Variants in UTP20 observed in about 807,000 individuals in gnomAD.
UTP20 encodes UTP20 small subunit processome component.
In UTP20, 164 loss-of-function variants were observed where a neutral mutation model predicts 329.5. The ratio of observed to expected loss-of-function variants is 0.50; its 90% confidence interval spans 0.44 to 0.57. The LOEUF is 0.57. Ranked by LOEUF, UTP20 falls within the 20% of genes least tolerant of loss-of-function variation. The pLI is 0.00. For synonymous variants in UTP20, 1,151 were observed against 1,159.3 expected (o/e 0.99, Z 0.14); for missense variants, 3,055 against 3,284.2 (o/e 0.93, Z 1.71).
rs1289814370 is a variant in UTP20 at position 101,333,383 on chromosome 12, A to C, written c.3500A>C (p.Glu1167Ala). ...GTAACTGATATCTTTTTGGACTGGG[A>C]ATCATATCAGTTTAGAACAGAAGAA... Reference protein sequence around the residue: ...KMVTDIFLDWESYQFRTEEID... With the variant: ...KMVTDIFLDWASYQFRTEEID... Residue 1167 changes from glutamate to alanine, a missense_variant, in exon 28 of 62, where the codon GAA (glutamate) becomes GCA (alanine). Physicochemically the swap from Glu to Ala is moderately radical, Grantham distance 107 (BLOSUM62 -1). Transcript: ENST00000261637. 1.9e-6 allele frequency: 3 copies of C among 1,613,970 alleles called. No homozygotes were observed.
chr12:101,304,419 T>C (rs1228059460), intron 15 of UTP20, among the ~76,000 whole-genome samples: 1 of 152,244 alleles, frequency 6.6e-6, no homozygotes, highest in Non-Finnish European at 1.5e-5. Context: ...AACAATTGCA[T>C]TGATTGTGTC....
At chr12:101,371,595 G>A (rs941505227) in intron 51 of UTP20, among the ~76,000 whole-genome samples, 6 of 145,452 alleles carry the variant, frequency 4.1e-5, no homozygotes, top group South Asian at 2.2e-4. Flanking sequence ...GTGCAGTGGC[G>A]CGATCTCGGC....
chr12:101,287,139 A>T (rs1342817419), intron 5 of UTP20, among the ~76,000 whole-genome samples: 1 of 152,052 alleles, frequency 6.6e-6, no homozygotes, highest in African/African-American at 2.4e-5. Context: ...TTGCCACAGG[A>T]GTGTTTAATA....
At chr12:101,311,154 A>T (rs1270458454) in intron 19 of UTP20, among the ~76,000 whole-genome samples, 2 of 152,228 alleles carry the variant, frequency 1.3e-5, no homozygotes, top group African/African-American at 4.8e-5. Context: ...TGTCATGTGT[A>T]AAGTTTATGC....
chr12:101,365,735 A>C, intron 46 of UTP20, 110 bp downstream of exon 46: 2 of 854,276 alleles, frequency 2.3e-6, no homozygotes, highest in Non-Finnish European at 3.3e-6. Context: ...TATCCACCTG[A>C]GTTCTCAGAT....
rs141236784 is a variant in UTP20, at chr12:101,312,276, A to G, written c.2552A>G (p.Asn851Ser). 4.3e-6 allele frequency: 7 copies of G among 1,613,692 alleles called. No individual in the cohort carries two copies. Among genetic ancestry groups the G allele is most frequent in the Non-Finnish European group, 5.9e-6 (7 of 1,179,946 alleles). Residue 851 changes from asparagine to serine, a missense_variant and splice_region_variant, in exon 21 of 62, where the codon AAC becomes AGC. By Grantham distance (46) the Asn-to-Ser change is conservative. Around this residue, in one of 3 missense-constraint regions of UTP20, gnomAD observed 2,445 missense variants for 2,575.5 expected, o/e 0.95. Transcript: ENST00000261637. Reference sequence around the variant, plus strand: ...TCCCCGCTTTTCTTGAGATTTATCAAGTAAGTTTCCTCTTCTAAGAATATG... The same window carrying G: ...TCCCCGCTTTTCTTGAGATTTATCAGGTAAGTTTCCTCTTCTAAGAATATG... Reference protein sequence around the residue: ...ELSPLFLRFINNEYYPADLQV... With the variant: ...ELSPLFLRFISNEYYPADLQV...
intron 13 of UTP20, 66 bp from the exon 14 acceptor site, chr12:101,299,907 G>C (rs576284209): frequency 6.2e-7 from 1 of 1,608,224 alleles, no homozygotes; most frequent in South Asian, 1.1e-5. Context: ...GCCATTCCTT[G>C]CTGTTCTCTG....
chr12:101,306,593 G>A lies in UTP20; in HGVS notation c.1933-106G>A, dbSNP rs79391430. The A allele has an allele frequency of 1.0e-3, 1,083 of 1,048,088 alleles. 12 individuals carry two copies. The African/African-American group carries it at 0.016, about 15-fold the overall frequency. 64.9% of individuals were successfully genotyped at this position (1,048,088 alleles called of 1,614,324 possible). On this transcript the variant is annotated intron_variant, in intron 16 of 61. Coordinates refer to ENST00000261637, the MANE Select transcript of UTP20 (RefSeq NM_014503.3). Reference sequence around the variant, plus strand: ...AGGCACATATTACTCTGGTCAAATGGTATTTTTTTTTTAAATTGTATAAAA... The same window carrying A: ...AGGCACATATTACTCTGGTCAAATGATATTTTTTTTTTAAATTGTATAAAA...
In UTP20 at chr12:101,383,625, T is replaced by C. The variant is rs1328636180; in HGVS notation, c.8012T>C (p.Ile2671Thr). 1 of 1,613,782 alleles carries C rather than the reference T, an allele frequency of 6.2e-7. No homozygotes were observed. The highest frequency in any genetic ancestry group is 8.5e-7 in the Non-Finnish European group (1 of 1,179,906). Residue 2671 changes from isoleucine to threonine, a missense_variant, in exon 60 of 62, where the codon ATA becomes ACA. Physicochemically the swap from Ile to Thr is moderately conservative, Grantham distance 89. Coordinates refer to ENST00000261637, the MANE Select transcript of UTP20 (RefSeq NM_014503.3). ...DKVKPYLPMI[I>T]APLFRELNST... Reference sequence around the variant, plus strand: ...GTAAAGCCGTATCTCCCAATGATCATAGCTCCTTTGTTTCGGGAACTCAAC... The same window carrying C: ...GTAAAGCCGTATCTCCCAATGATCACAGCTCCTTTGTTTCGGGAACTCAAC...
chr12:101,290,949 C>T (rs1238103193), intron 8 of UTP20, 61 bp downstream of exon 8: 2 of 1,535,656 alleles, frequency 1.3e-6, no homozygotes, highest in Non-Finnish European at 1.8e-6. Flanking sequence ...ACTGTTTCTG[C>T]TCTCAGTTTT....
intron 11 of UTP20, among the ~76,000 whole-genome samples, 175 bp from the exon 12 acceptor site, chr12:101,295,305 T>G (rs1458137263): frequency 6.6e-6 from 1 of 152,246 alleles, no homozygotes; most frequent in Non-Finnish European, 1.5e-5. Flanking sequence ...TAAGTCATCC[T>G]TCCTCAGAGT....
At position 101,295,626 on chromosome 12, in the gene UTP20, G is replaced by A; in HGVS notation, c.1398G>A (p.Lys466=). ...PPTAGSMAIE[K]YPLVFSPQMV... is the part of the protein sequence containing the mutation. The stretch of plus-strand genomic sequence containing the variant: ...CTGCTGGCTCGATGGCAATTGAAAA[G>A]TACCCTCTGGTTTTCTCACCGCAGA... Residue 466 remains lysine, a synonymous_variant, in exon 12 of 62, where the codon AAG becomes AAA. Transcript: ENST00000261637. 6.2e-7 allele frequency: 1 copy of A among 1,610,162 alleles called. No homozygotes were observed. The highest frequency in any genetic ancestry group is 8.5e-7 in the Non-Finnish European group (1 of 1,177,340).
chr12:101,348,737 TG>T (rs1256473698), intron 38 of UTP20, among the ~76,000 whole-genome samples: 4 of 121,568 alleles, frequency 3.3e-5, no homozygotes, highest in Non-Finnish European at 5.0e-5. Context: ...GAGTTTTTGG[TG>T]GTTTTTTTTT....
intron 32 of UTP20, among the ~76,000 whole-genome samples, chr12:101,340,937 C>CTTT (rs71091488): frequency 8.4e-5 from 7 of 83,018 alleles, no homozygotes; most frequent in Admixed American, 3.0e-4. Flanking sequence ...ATTGTGTAAT[C>CTTT]TTTTTTTTTT....
intron 56 of UTP20, among the ~76,000 whole-genome samples, chr12:101,378,583 G>A (rs190587493): frequency 7.7e-4 from 117 of 152,196 alleles, no homozygotes; most frequent in African/African-American, 2.7e-3. Context: ...GCTGGGTGTG[G>A]TGGTGAGTAC....
intron 15 of UTP20, among the ~76,000 whole-genome samples, chr12:101,305,063 T>A (rs1341340090): frequency 1.3e-5 from 2 of 152,110 alleles, no homozygotes; most frequent in Non-Finnish European, 2.9e-5. Context: ...ATGGTGCTTC[T>A]CTTCACCTCC....
chr12:101,386,025 A>G lies in UTP20; in HGVS notation c.8260A>G (p.Ser2754Gly). 1 of 1,610,176 alleles carries G rather than the reference A, an allele frequency of 6.2e-7. No individual in the cohort carries two copies. The highest frequency in any genetic ancestry group is 2.2e-5 in the East Asian group (1 of 44,874). The change falls in exon 62 of 62, where the codon AGT (serine) becomes GGT (glycine). Residue 2754 changes from serine (S) to glycine (G), a missense_variant. This residue lies in a region of UTP20 where 337 missense variants were observed against 345.5 expected (regional missense o/e 0.98). Transcript: ENST00000261637. ...AAAAATGAAGAAACACAAAAATAAA[A>G]GTGAAGCAAAGAAGAGAAAGATAGA... ...KKKMKKHKNK[S>G]EAKKRKIEFL...
At chr12:101,307,851 T>G (rs1158650577) in intron 17 of UTP20, among the ~76,000 whole-genome samples, 3 of 152,236 alleles carry the variant, frequency 2.0e-5, no homozygotes, top group African/African-American at 7.2e-5. Flanking sequence ...AATAGTTCCA[T>G]AATGCAGATT....
intron 49 of UTP20, 96 bp downstream of exon 49, chr12:101,369,987 G>A (rs1030781179): frequency 2.4e-6 from 3 of 1,275,972 alleles, no homozygotes; most frequent in Non-Finnish European, 3.2e-6. Flanking sequence ...GCTGAGGTGG[G>A]AGGATTACTT....
Sources: allele counts gnomAD v4.1 joint callset (sites outside exome capture counted in the v4.1 genomes callset), GRCh38; gene constraint gnomAD v4.1.1; regional missense constraint gnomAD v4.1.1; transcripts MANE v1.5; gene names NCBI Gene and HGNC (gene_info 2026-07-23, HGNC 2026-07-21).